The following LYNX1 variants were observed in gnomAD, a reference collection of about 807,000 sequenced individuals.
LYNX1 encodes the protein Ly6/neurotoxin 1.
LYNX1 carries 8 observed loss-of-function variants against 8.3 expected under a neutral mutation model. That is an observed-to-expected ratio of 0.97 (90% confidence interval 0.57 to 1.74). The LOEUF (loss-of-function observed/expected upper bound fraction) is 1.74. LYNX1 is among the 40% of genes most tolerant of loss of function. LYNX1 has a pLI of 0.00. For synonymous variants in LYNX1, 73 were observed against 67.9 expected (o/e 1.08, Z -0.37); for missense variants, 158 against 159.7 (o/e 0.99, Z 0.06).
chr8:142,775,048 C>T lies in LYNX1; in HGVS notation c.*119G>A. 1 of 1,476,914 alleles carries T rather than the reference C, an allele frequency of 6.8e-7. No homozygotes were observed. Among genetic ancestry groups the T allele is most frequent in the Non-Finnish European group, 9.0e-7 (1 of 1,115,844 alleles). The allele number at this position is 1,476,914 out of a possible 1,614,324, so 91.5% of individuals were successfully genotyped here. On this transcript the variant is annotated 3_prime_UTR_variant, in exon 4 of 4. Coordinates refer to ENST00000652477, the MANE Select transcript of LYNX1 (RefSeq NM_177477.4). ...GTGTCTTCTTGCCCACAGTCCTGAC[C>T]CTGGGCATGGCTGAGGAGGTCGCAG...
chr8:142,776,375 G>C (rs963763139), intron 1 of LYNX1: 1 of 263,564 alleles, frequency 3.8e-6, no homozygotes, highest in Non-Finnish European at 7.6e-6. Context: ...GAGGATGAGG[G>C]GCAGTGCTAG....
intron 3 of LYNX1, 106 bp from the exon 4 acceptor site, chr8:142,775,469 A>C: frequency 6.4e-7 from 1 of 1,567,220 alleles, no homozygotes; most frequent in South Asian, 1.2e-5. Context: ...CTCAGCCTGG[A>C]GCTCCCAGAC....
At position 142,772,808 on chromosome 8, in the gene LYNX1, T is replaced by G; in HGVS notation, c.*2359A>C. 1 of 985,682 alleles carries G rather than the reference T, an allele frequency of 1.0e-6. No homozygotes were observed. 61.1% of individuals were successfully genotyped at this position (985,682 alleles called of 1,614,324 possible). On this transcript the variant is annotated 3_prime_UTR_variant, in exon 4 of 4. Coordinates refer to ENST00000652477, the MANE Select transcript of LYNX1 (RefSeq NM_177477.4). ...CAGCATTAGCTGAGTGCCTTCTGTGTGCTCTACGCCAGGTGCCAAGGGCAG... is the reference window on the plus strand; with the variant it reads ...CAGCATTAGCTGAGTGCCTTCTGTGGGCTCTACGCCAGGTGCCAAGGGCAG...
In LYNX1 at chr8:142,771,304, G is replaced by A. The variant is rs1815166849; in HGVS notation, c.*3863C>T. The A allele has an allele frequency of 2.0e-6, 2 of 985,438 alleles. No individual in the cohort carries two copies. Among genetic ancestry groups the A allele is most frequent in the Non-Finnish European group, 1.2e-6 (1 of 830,002 alleles). 61.0% of individuals were successfully genotyped at this position (985,438 alleles called of 1,614,324 possible). ...AGCAGCAGGGGCATGGCCCTGGGAA[G>A]CACCTGGACCCCAGAACATAAGACA... On this transcript the variant is annotated 3_prime_UTR_variant, in exon 4 of 4. Transcript: ENST00000652477.
chr8:142,774,225 C>A lies in LYNX1; in HGVS notation c.*942G>T. The A allele has an allele frequency of 1.0e-6, 1 of 984,144 alleles. No homozygotes were observed. The highest frequency in any genetic ancestry group is 1.2e-6 in the Non-Finnish European group (1 of 829,716). The allele number at this position is 984,144 out of a possible 1,614,324, so 61.0% of individuals were successfully genotyped here. A position where few individuals can be genotyped will look rare whatever the true frequency, so the allele number is the denominator to read the frequency against. On this transcript the variant is annotated 3_prime_UTR_variant, in exon 4 of 4. Transcript: ENST00000652477. ...CATGCTCCGCCTTCCCACGCCCAGGCCCGCGCCGGCCCCAGGCTGCTCCCA... is the reference window on the plus strand; with the variant it reads ...CATGCTCCGCCTTCCCACGCCCAGGACCGCGCCGGCCCCAGGCTGCTCCCA...
chr8:142,775,409 G>T (rs587733724), intron 3 of LYNX1, 46 bp from the exon 4 acceptor site: 1 of 1,602,464 alleles, frequency 6.2e-7, no homozygotes, highest in Non-Finnish European at 8.5e-7. Context: ...AGAGGGGCAG[G>T]AGACCCAGCT....
At position 142,772,344 on chromosome 8, in the gene LYNX1, C is replaced by T. The variant is rs1412712526; in HGVS notation, c.*2823G>A. On this transcript the variant is annotated 3_prime_UTR_variant, in exon 4 of 4. Transcript: ENST00000652477. ...TCTCCTCTGCCACTCTGCCCTGCAC[C>T]CAGAGGCAGCGCTGGAGGCCTTACT... is the stretch of plus-strand genomic sequence containing the variant. 2.0e-6 allele frequency: 2 copies of T among 985,508 alleles called. No individual in the cohort carries two copies. The highest frequency in any genetic ancestry group is 2.4e-6 in the Non-Finnish European group (2 of 829,996). The allele number at this position is 985,508 out of a possible 1,614,324, so 61.0% of individuals were successfully genotyped here. A position where few individuals can be genotyped will look rare whatever the true frequency, so the allele number is the denominator to read the frequency against.
At position 142,775,046 on chromosome 8, in the gene LYNX1, A is replaced by T; in HGVS notation, c.*121T>A. 1.4e-6 allele frequency: 2 copies of T among 1,475,772 alleles called. No homozygotes were observed. The highest frequency in any genetic ancestry group is 1.8e-6 in the Non-Finnish European group (2 of 1,115,396). 91.4% of individuals were successfully genotyped at this position (1,475,772 alleles called of 1,614,324 possible). On this transcript the variant is annotated 3_prime_UTR_variant, in exon 4 of 4. Transcript: ENST00000652477. Reference sequence around the variant, plus strand: ...GGGTGTCTTCTTGCCCACAGTCCTGACCCTGGGCATGGCTGAGGAGGTCGC... The same window carrying T: ...GGGTGTCTTCTTGCCCACAGTCCTGTCCCTGGGCATGGCTGAGGAGGTCGC...
In LYNX1 at chr8:142,773,291, A is replaced by G; in HGVS notation, c.*1876T>C. On this transcript the variant is annotated 3_prime_UTR_variant, in exon 4 of 4. Coordinates refer to ENST00000652477, the MANE Select transcript of LYNX1 (RefSeq NM_177477.4). ...TTGGGAGCTCTGGGAGGCACCTGGC[A>G]GCCTCCCAGACACCCCGGGCCGGTC... is the stretch of plus-strand genomic sequence containing the variant. 1 of 985,420 alleles carries G rather than the reference A, an allele frequency of 1.0e-6. No homozygotes were observed. Among genetic ancestry groups the G allele is most frequent in the Non-Finnish European group, 1.2e-6 (1 of 829,946 alleles). 61.0% of individuals were successfully genotyped at this position (985,420 alleles called of 1,614,324 possible).
Position 142,774,187 on chromosome 8 carries a change from C to A in LYNX1, c.*980G>T, listed in dbSNP as rs966070246. The A allele has an allele frequency of 7.1e-6, 7 of 983,880 alleles. No homozygotes were observed. The highest frequency in any genetic ancestry group is 8.4e-6 in the Non-Finnish European group (7 of 829,340). The allele number at this position is 983,880 out of a possible 1,614,324, so 60.9% of individuals were successfully genotyped here. The stretch of plus-strand genomic sequence containing the variant: ...CTCCCCACTCCCGCCCCCGCACGGC[C>A]ACGAGAGGGTGGCATGCTCCGCCTT... On this transcript the variant is annotated 3_prime_UTR_variant, in exon 4 of 4. Coordinates refer to ENST00000652477, the MANE Select transcript of LYNX1 (RefSeq NM_177477.4).
chr8:142,772,440 C>A lies in LYNX1; in HGVS notation c.*2727G>T, dbSNP rs192402448. ...TTAAGCTTTCCATTTTGTAAACTCACCTCCCCCTTCCCAGGCTTGGGGGTC... is the reference window on the plus strand; with the variant it reads ...TTAAGCTTTCCATTTTGTAAACTCAACTCCCCCTTCCCAGGCTTGGGGGTC... On this transcript the variant is annotated 3_prime_UTR_variant, in exon 4 of 4. Transcript: ENST00000652477. The A allele has an allele frequency of 2.3e-4, 228 of 985,530 alleles. No individual in the cohort carries two copies. The African/African-American group carries it at 3.6e-3, about 16-fold the overall frequency. 61.0% of individuals were successfully genotyped at this position (985,530 alleles called of 1,614,324 possible). A position where few individuals can be genotyped will look rare whatever the true frequency, so the allele number is the denominator to read the frequency against.
In LYNX1 at chr8:142,772,790, AGCT is replaced by A; in HGVS notation, c.*2374_*2376del. 1.0e-6 allele frequency: 1 copy of A among 985,618 alleles called. No homozygotes were observed. The highest frequency in any genetic ancestry group is 1.2e-6 in the Non-Finnish European group (1 of 830,040). The allele number at this position is 985,618 out of a possible 1,614,324, so 61.1% of individuals were successfully genotyped here. ...CCCATGAGTGGGCCTGCCCAGCATT[AGCT>A]GAGTGCCTTCTGTGTGCTCTACGCC... is the stretch of plus-strand genomic sequence containing the variant. On this transcript the variant is annotated 3_prime_UTR_variant, in exon 4 of 4. Transcript: ENST00000652477.
Position 142,773,659 on chromosome 8 carries a change from T to C in LYNX1, c.*1508A>G, listed in dbSNP as rs1026633449. 2.0e-6 allele frequency: 2 copies of C among 985,354 alleles called. No individual in the cohort carries two copies. Among genetic ancestry groups the C allele is most frequent in the African/African-American group, 3.5e-5 (2 of 57,310 alleles). 61.0% of individuals were successfully genotyped at this position (985,354 alleles called of 1,614,324 possible). A position where few individuals can be genotyped will look rare whatever the true frequency, so the allele number is the denominator to read the frequency against. On this transcript the variant is annotated 3_prime_UTR_variant, in exon 4 of 4. Coordinates refer to ENST00000652477, the MANE Select transcript of LYNX1 (RefSeq NM_177477.4). Reference sequence around the variant, plus strand: ...TATAGACTCACTGCAAGGAGACCCCTGGGGTGGAGACCCTCATTCCCTGAT... The same window carrying C: ...TATAGACTCACTGCAAGGAGACCCCCGGGGTGGAGACCCTCATTCCCTGAT...
rs765542923 is a variant in LYNX1 at position 142,775,598 on chromosome 8, C to T, written c.149G>A (p.Arg50His). ...CGCAGGGCCCCCAGACTCACAGGTG[C>T]GCGTGGTCATGCAGTAGGCAACCAT... ...PAMVAYCMTTRTYYTPTRMKV... is the reference protein window; with the variant it reads ...PAMVAYCMTTHTYYTPTRMKV... The change falls in exon 3 of 4, where the codon CGC becomes CAC. Residue 50 changes from arginine to histidine, a missense_variant. Arg to His is a conservative substitution (Grantham distance 29, BLOSUM62 0). Transcript: ENST00000652477. 110 of 1,589,664 alleles carry T rather than the reference C, an allele frequency of 6.9e-5. 1 individual carries two copies. Among genetic ancestry groups the T allele is most frequent in the East Asian group, 1.8e-4 (8 of 43,672 alleles).
Position 142,771,629 on chromosome 8 carries a change from C to G in LYNX1, c.*3538G>C, listed in dbSNP as rs1815180867. Reference sequence around the variant, plus strand: ...GCGAGCTGAGGTTTGAAGAGGAGAGCAGACCACCCAGAGTAGTGGGAGAAA... The same window carrying G: ...GCGAGCTGAGGTTTGAAGAGGAGAGGAGACCACCCAGAGTAGTGGGAGAAA... On this transcript the variant is annotated 3_prime_UTR_variant, in exon 4 of 4. Transcript: ENST00000652477. 1 of 985,640 alleles carries G rather than the reference C, an allele frequency of 1.0e-6. No homozygotes were observed. The highest frequency in any genetic ancestry group is 1.7e-5 in the African/African-American group (1 of 57,230). The allele number at this position is 985,640 out of a possible 1,614,324, so 61.1% of individuals were successfully genotyped here.
At position 142,774,147 on chromosome 8, in the gene LYNX1, C is replaced by CCAA; in HGVS notation, c.*1019_*1020insTTG. On this transcript the variant is annotated 3_prime_UTR_variant, in exon 4 of 4. Transcript: ENST00000652477. ...TGCGGGGGAGGGGCTGGGTCTCCGC[C>CCAA]CTCCCCACCCCACCCTCCCCACTCC... The CCAA allele has an allele frequency of 3.1e-6, 3 of 982,094 alleles. No homozygotes were observed. Among genetic ancestry groups the CCAA allele is most frequent in the Non-Finnish European group, 3.6e-6 (3 of 827,606 alleles). 60.8% of individuals were successfully genotyped at this position (982,094 alleles called of 1,614,324 possible). A position where few individuals can be genotyped will look rare whatever the true frequency, so the allele number is the denominator to read the frequency against.
Position 142,771,763 on chromosome 8 carries a change from C to T in LYNX1, c.*3404G>A. The stretch of plus-strand genomic sequence containing the variant: ...ATCGCCTTCATGAGAGATGACGAAT[C>T]AGATGCTACATAGTGGGGGAGGCGG... On this transcript the variant is annotated 3_prime_UTR_variant, in exon 4 of 4. Coordinates refer to ENST00000652477, the MANE Select transcript of LYNX1 (RefSeq NM_177477.4). 2.0e-6 allele frequency: 2 copies of T among 985,830 alleles called. No homozygotes were observed. Among genetic ancestry groups the T allele is most frequent in the Non-Finnish European group, 2.4e-6 (2 of 829,934 alleles). The allele number at this position is 985,830 out of a possible 1,614,324, so 61.1% of individuals were successfully genotyped here.
chr8:142,774,930 C>A lies in LYNX1; in HGVS notation c.*237G>T. Reference sequence around the variant, plus strand: ...AGCCCTGGACAGGCGAGGGGCTGATCAGCCCATCAAAGCCGGACACTTTTG... The same window carrying A: ...AGCCCTGGACAGGCGAGGGGCTGATAAGCCCATCAAAGCCGGACACTTTTG... On this transcript the variant is annotated 3_prime_UTR_variant, in exon 4 of 4. Coordinates refer to ENST00000652477, the MANE Select transcript of LYNX1 (RefSeq NM_177477.4). The A allele has an allele frequency of 7.1e-7, 1 of 1,418,030 alleles. No individual in the cohort carries two copies. The highest frequency in any genetic ancestry group is 1.6e-5 in the South Asian group (1 of 63,864). The allele number at this position is 1,418,030 out of a possible 1,614,324, so 87.8% of individuals were successfully genotyped here.
chr8:142,772,543 G>C lies in LYNX1; in HGVS notation c.*2624C>G. 1 of 985,548 alleles carries C rather than the reference G, an allele frequency of 1.0e-6. No individual in the cohort carries two copies. Among genetic ancestry groups the C allele is most frequent in the South Asian group, 4.7e-5 (1 of 21,294 alleles). The allele number at this position is 985,548 out of a possible 1,614,324, so 61.1% of individuals were successfully genotyped here. On this transcript the variant is annotated 3_prime_UTR_variant, in exon 4 of 4. Transcript: ENST00000652477. ...TGAGTGAGCGAGGAGGCACTAGTGT[G>C]GGGCAGCTACTTCACCTCCCTGTGC...
Sources: allele counts gnomAD v4.1 joint callset, GRCh38; gene constraint gnomAD v4.1.1; transcripts MANE v1.5; gene names NCBI Gene and HGNC (gene_info 2026-07-23, HGNC 2026-07-21).